Variants in SMAP1 observed in about 807,000 individuals in gnomAD.
The protein encoded by SMAP1 is small ArfGAP 1, also known as stromal membrane-associated protein 1.
Under a neutral mutation model 58.5 loss-of-function variants are expected in SMAP1, and 24 were observed. The ratio of observed to expected loss-of-function variants is 0.41; its 90% CI spans 0.30 to 0.58. SMAP1 has a LOEUF of 0.58. Among genes scored for constraint, SMAP1 ranks in the 20% least tolerant of loss-of-function variants. The probability of loss-of-function intolerance (pLI) is 0.29; values close to 1 mark genes in which losing one functional copy is unlikely to be tolerated. For synonymous variants in SMAP1, 216 were observed against 196.6 expected (o/e 1.10, Z -0.82); for missense variants, 563 against 566.3 (o/e 0.99, Z 0.06).
intron 2 of SMAP1, among the ~76,000 whole-genome samples, chr6:70,736,147 A>T (rs1765609906): frequency 6.6e-6 from 1 of 152,318 alleles, no homozygotes; most frequent in East Asian, 1.9e-4. Context: ...AGAGCACAAC[A>T]TGTACAGCTG....
intron 6 of SMAP1, among the ~76,000 whole-genome samples, chr6:70,823,152 C>T (rs555466900): frequency 6.6e-6 from 1 of 152,230 alleles, no homozygotes; most frequent in South Asian, 2.1e-4. Context: ...TGATCTTTCT[C>T]TTCAAACTGT....
chr6:70,678,660 G>A (rs942201288), intron 1 of SMAP1, among the ~76,000 whole-genome samples: 3 of 152,212 alleles, frequency 2.0e-5, no homozygotes, highest in African/African-American at 7.2e-5. Context: ...TGAGCTAAAG[G>A]CAAGGTGTTA....
chr6:70,693,322 T>TA (rs1554190250), intron 1 of SMAP1, among the ~76,000 whole-genome samples: 25 of 115,332 alleles, frequency 2.2e-4, no homozygotes, highest in Non-Finnish European at 3.5e-4. Context: ...TTTTTTTTTT[T>TA]AAGACAGAGT....
At chr6:70,785,871 G>T (rs1308470931) in intron 4 of SMAP1, among the ~76,000 whole-genome samples, 1 of 152,138 alleles carries the variant, frequency 6.6e-6, no homozygotes, top group Non-Finnish European at 1.5e-5. Context: ...TCTACCAGAG[G>T]TACAAGGAGG....
intron 7 of SMAP1, among the ~76,000 whole-genome samples, chr6:70,851,925 G>C (rs1053100351): frequency 6.6e-6 from 1 of 152,136 alleles, no homozygotes; most frequent in Non-Finnish European, 1.5e-5. Context: ...ATCAGTTTAA[G>C]TATTGTATGT....
chr6:70,722,022 C>T (rs867690409), intron 1 of SMAP1, among the ~76,000 whole-genome samples: 48 of 152,248 alleles, frequency 3.2e-4, no homozygotes, highest in African/African-American at 1.2e-3. Flanking sequence ...GATCACAGTA[C>T]GTTTATTAAA....
intron 3 of SMAP1, among the ~76,000 whole-genome samples, chr6:70,765,847 A>C (rs1766951837): frequency 6.6e-6 from 1 of 151,186 alleles, no homozygotes; most frequent in African/African-American, 2.4e-5. Flanking sequence ...TGCACCCATT[A>C]ACTCGTCATT....
At chr6:70,771,185 G>A (rs1767286124) in intron 3 of SMAP1, among the ~76,000 whole-genome samples, 1 of 152,342 alleles carries the variant, frequency 6.6e-6, no homozygotes, top group African/African-American at 2.4e-5. Flanking sequence ...CAGTTAGGCT[G>A]CTCAGAGGTC....
chr6:70,779,430 C>G (rs1328111522), intron 4 of SMAP1, among the ~76,000 whole-genome samples: 2 of 152,170 alleles, frequency 1.3e-5, no homozygotes, highest in Non-Finnish European at 2.9e-5. Flanking sequence ...AGTATGAATT[C>G]TCTCTGAGAT....
chr6:70,729,210 C>T lies in SMAP1; in HGVS notation c.119-3168C>T, dbSNP rs9455213. ...ATCCCAGCACTTTGGGAGGCCGAGG[C>T]GGGCGGATCACGAGGTCAGGAGATC... On this transcript the variant is annotated intron_variant, in intron 1 of 10. Transcript: ENST00000370455. 6.5e-3 allele frequency among the ~76,000 whole-genome samples: 983 copies of T among 152,070 alleles called. 6 individuals are homozygous for T. The highest frequency in any genetic ancestry group is 0.022 in the African/African-American group (912 of 41,490).
chr6:70,728,546 G>T (rs182624446), intron 1 of SMAP1, among the ~76,000 whole-genome samples: 1 of 152,124 alleles, frequency 6.6e-6, no homozygotes, highest in Non-Finnish European at 1.5e-5. Flanking sequence ...TTATACAGTC[G>T]ATTCCCTTAC....
At chr6:70,858,412 TGATGTGTTATTATCGCTA>T in intron 10 of SMAP1, 183 bp downstream of exon 10, 3 of 541,682 alleles carry the variant, frequency 5.5e-6, no homozygotes, top group Non-Finnish European at 6.1e-6. Context: ...GATAGACAAA[TGATGTGTTATTATCGCTA>T]TTTTAGAGTA....
At chr6:70,707,051 G>GT (rs796566976) in intron 1 of SMAP1, among the ~76,000 whole-genome samples, 2 of 152,158 alleles carry the variant, frequency 1.3e-5, no homozygotes, top group African/African-American at 4.8e-5. Flanking sequence ...TTTATCAATA[G>GT]TTTTTATGTA....
intron 1 of SMAP1, among the ~76,000 whole-genome samples, chr6:70,709,185 A>G (rs866979103): frequency 1.3e-4 from 20 of 151,962 alleles, no homozygotes; most frequent in African/African-American, 4.6e-4. Context: ...TACTTCCGCC[A>G]TTGTGTCTTC....
intron 2 of SMAP1, among the ~76,000 whole-genome samples, chr6:70,747,089 A>G (rs116181611): frequency 0.011 from 1,608 of 152,280 alleles, 24 homozygotes; most frequent in African/African-American, 0.036. Context: ...ATGGTAGAAG[A>G]TAGCATTCAT....
At chr6:70,803,207 A>G (rs1483965005) in intron 6 of SMAP1, among the ~76,000 whole-genome samples, 1 of 152,126 alleles carries the variant, frequency 6.6e-6, no homozygotes, top group Non-Finnish European at 1.5e-5. Context: ...TCAGAGATTC[A>G]ACTTATTCCT....
intron 4 of SMAP1, among the ~76,000 whole-genome samples, chr6:70,785,785 G>A (rs1015660155): frequency 5.3e-5 from 8 of 152,156 alleles, no homozygotes; most frequent in African/African-American, 1.7e-4. Flanking sequence ...ACCAATAACA[G>A]GCTCTGAAAT....
At chr6:70,690,325 A>G (rs573853135) in intron 1 of SMAP1, among the ~76,000 whole-genome samples, 5 of 151,136 alleles carry the variant, frequency 3.3e-5, no homozygotes, top group African/African-American at 1.2e-4. Flanking sequence ...TTGTTTTTTG[A>G]GACGGACTTT....
chr6:70,669,507 C>T (rs1475965089), intron 1 of SMAP1, among the ~76,000 whole-genome samples: 1 of 152,170 alleles, frequency 6.6e-6, no homozygotes, highest in Non-Finnish European at 1.5e-5. Context: ...CCTATGTAAC[C>T]TTTTCAGGTG....
Sources: gnomAD v4.1 joint callset for allele counts (sites outside exome capture counted in the v4.1 genomes callset) on GRCh38, gnomAD v4.1.1 for gene constraint, MANE v1.5 for transcripts, NCBI Gene and HGNC (gene_info 2026-07-23, HGNC 2026-07-21) for gene names.